EDIL3: variants seen among roughly 807,000 people sequenced by gnomAD.
The protein encoded by EDIL3 is EGF like and discoidin domains 3.
A neutral mutation model predicts 67.4 loss-of-function variants in EDIL3; 37 were observed. The observed-to-expected ratio is 0.55, with a 90% CI of 0.42 to 0.72. The LOEUF is 0.72. Ranked by LOEUF, EDIL3 falls within the 30% of genes least tolerant of loss-of-function variation. The pLI is 0.00. For synonymous variants in EDIL3, 195 were observed against 196.3 expected, an observed-to-expected ratio of 0.99 and a Z score of 0.05; for missense variants, 527 against 586.3, an observed-to-expected ratio of 0.90 and a Z score of 1.04.
intron 10 of EDIL3, among the ~76,000 whole-genome samples, chr5:83,947,966 T>C (rs1468057181): frequency 6.6e-6 from 1 of 151,902 alleles, no homozygotes; most frequent in Non-Finnish European, 1.5e-5. Flanking sequence ...ACATCTGTTT[T>C]AACTATGGCT....
rs368799451 is a variant in EDIL3 at position 84,201,194 on chromosome 5, G to C, written c.227-20673C>G. 4.0e-5 allele frequency among the ~76,000 whole-genome samples: 6 copies of C among 151,844 alleles called. No individual in the cohort carries two copies. In the East Asian group the frequency reaches 9.7e-4, roughly 24 times the overall value. On this transcript the variant is annotated intron_variant, in intron 3 of 10. Coordinates refer to ENST00000296591, the MANE Select transcript of EDIL3 (RefSeq NM_005711.5). ...TAATCCATTTCTCTTCTGTTATCAG[G>C]GGTATGATCCAGGGAAAGAAAGAAA...
chr5:84,176,204 T>TATATATATATA (rs1452685146), intron 4 of EDIL3, among the ~76,000 whole-genome samples: 5 of 20,218 alleles, frequency 2.5e-4, no homozygotes, highest in African/African-American at 8.5e-4. Context: ...ATATAATATA[T>TATATATATATA]ATATATATAT....
chr5:84,327,196 G>T (rs910240070), intron 1 of EDIL3, among the ~76,000 whole-genome samples: 6 of 151,818 alleles, frequency 4.0e-5, no homozygotes, highest in Non-Finnish European at 8.8e-5. Flanking sequence ...CCAAAATGAG[G>T]TACAATAGAT....
At chr5:84,356,889 CTTTTTTTTTTTTT>C (rs1189590387) in intron 1 of EDIL3, among the ~76,000 whole-genome samples, 3 of 32,086 alleles carry the variant, frequency 9.3e-5, no homozygotes, top group African/African-American at 3.3e-4. Flanking sequence ...ATCTTTCTTT[CTTTTTTTTTTTTT>C]TTTTTTTTTT....
At chr5:84,077,461 G>A (rs551351256) in intron 6 of EDIL3, among the ~76,000 whole-genome samples, 1 of 152,312 alleles carries the variant, frequency 6.6e-6, no homozygotes, top group South Asian at 2.1e-4. Context: ...TGGACTCACA[G>A]TTCCACATGG....
At chr5:84,065,807 G>C (rs1746629005) in intron 7 of EDIL3, among the ~76,000 whole-genome samples, 1 of 151,920 alleles carries the variant, frequency 6.6e-6, no homozygotes, top group Admixed American at 6.6e-5. Flanking sequence ...TAATATAATA[G>C]TTATCTCATT....
intron 1 of EDIL3, among the ~76,000 whole-genome samples, chr5:84,318,468 A>G (rs1746559473): frequency 6.6e-6 from 1 of 152,168 alleles, no homozygotes; most frequent in South Asian, 2.1e-4. Context: ...TATATAGACC[A>G]ATGGAACAGA....
intron 9 of EDIL3, among the ~76,000 whole-genome samples, chr5:83,980,288 T>C (rs924249641): frequency 6.6e-6 from 1 of 151,938 alleles, no homozygotes; most frequent in African/African-American, 2.4e-5. Flanking sequence ...GAAACAACCA[T>C]TTATAGAGTA....
chr5:84,269,228 T>C (rs1346447294), intron 1 of EDIL3, among the ~76,000 whole-genome samples: 4 of 152,196 alleles, frequency 2.6e-5, no homozygotes, highest in African/African-American at 7.2e-5. Flanking sequence ...TTTCACTTTT[T>C]TCAGCAAATA....
intron 3 of EDIL3, among the ~76,000 whole-genome samples, chr5:84,190,100 T>C (rs1300982905): frequency 6.6e-6 from 1 of 151,982 alleles, no homozygotes; most frequent in Non-Finnish European, 1.5e-5. Context: ...GAAACATAGA[T>C]GGCAAACCTA....
chr5:83,944,103 A>G (rs1485621776), intron 10 of EDIL3, among the ~76,000 whole-genome samples: 1 of 152,050 alleles, frequency 6.6e-6, no homozygotes, highest in Non-Finnish European at 1.5e-5. Context: ...ATATGACTCC[A>G]GCCTAACAGC....
At chr5:83,971,037 T>A (rs766166105) in intron 9 of EDIL3, among the ~76,000 whole-genome samples, 7 of 151,646 alleles carry the variant, frequency 4.6e-5, no homozygotes, top group Middle Eastern at 3.2e-3. Flanking sequence ...TAATATTTTC[T>A]CACTCATCCT....
rs140573965 is a variant in EDIL3 at position 83,952,813 on chromosome 5, C to T, written c.1294-9245G>A. Reference sequence around the variant, plus strand: ...AATTGGTGTATTTGGTAATTCTTCCCGCATTAGGAGACTTTTCCTCACTTC... The same window carrying T: ...AATTGGTGTATTTGGTAATTCTTCCTGCATTAGGAGACTTTTCCTCACTTC... On this transcript the variant is annotated intron_variant, in intron 10 of 10. Transcript: ENST00000296591. 1.4e-3 allele frequency among the ~76,000 whole-genome samples: 211 copies of T among 151,902 alleles called. 1 individual carries two copies. Among genetic ancestry groups the T allele is most frequent in the African/African-American group, 4.8e-3 (200 of 41,492 alleles).
chr5:84,262,461 A>T (rs1745242297), intron 1 of EDIL3, among the ~76,000 whole-genome samples: 1 of 152,110 alleles, frequency 6.6e-6, no homozygotes, highest in East Asian at 1.9e-4. Context: ...CACTGAGTTA[A>T]GAAAAAAATC....
intron 5 of EDIL3, among the ~76,000 whole-genome samples, chr5:84,133,144 A>T (rs702512): frequency 0.048 from 7,309 of 152,218 alleles, 424 homozygotes; most frequent in East Asian, 0.12. Context: ...AGTTATTTTT[A>T]GATTAGTTAA....
intron 1 of EDIL3, among the ~76,000 whole-genome samples, chr5:84,284,107 C>T (rs1745762197): frequency 6.6e-6 from 1 of 152,114 alleles, no homozygotes; most frequent in Non-Finnish European, 1.5e-5. Context: ...TCCCCACCCT[C>T]ATTATTATTC....
rs1334073219 is a variant in EDIL3, at chr5:84,012,338, CTA to C, written c.1137+47960_1137+47961del. On this transcript the variant is annotated intron_variant, in intron 9 of 10. Transcript: ENST00000296591. The stretch of plus-strand genomic sequence containing the variant: ...GATTTATAAATAGGAATGATAATAC[CTA>C]TTTTTCAAAGCTTTTGTAATGACAA... 2.6e-5 allele frequency among the ~76,000 whole-genome samples: 4 copies of C among 152,000 alleles called. No homozygotes were observed. The East Asian group carries it at 7.7e-4, about 29-fold the overall frequency.
At chr5:84,126,483 T>C (rs1162050799) in intron 5 of EDIL3, among the ~76,000 whole-genome samples, 1 of 152,118 alleles carries the variant, frequency 6.6e-6, no homozygotes, top group Non-Finnish European at 1.5e-5. Flanking sequence ...GACTTATCAA[T>C]GTATATGCTG....
In EDIL3 at chr5:83,983,689, A is replaced by C. The variant is rs1026127311; in HGVS notation, c.1138-20329T>G. Among the ~76,000 whole-genome samples, 3 of 151,926 alleles carry C rather than the reference A, an allele frequency of 2.0e-5. No individual in the cohort carries two copies. In the East Asian group the frequency reaches 5.8e-4, roughly 29 times the overall value. ...AAGGTCCCCAGATTCAAAGAGTAGT[A>C]ATGAGAACCAAAAACTCAGGGACAA... On this transcript the variant is annotated intron_variant, in intron 9 of 10. Coordinates refer to ENST00000296591, the MANE Select transcript of EDIL3 (RefSeq NM_005711.5).
Sources: gnomAD v4.1 joint callset for allele counts (sites outside exome capture counted in the v4.1 genomes callset) on GRCh38, gnomAD v4.1.1 for gene constraint, MANE v1.5 for transcripts, NCBI Gene and HGNC (gene_info 2026-07-23, HGNC 2026-07-21) for gene names.